The following CDKAL1 variants were observed in gnomAD, a reference collection of about 807,000 sequenced individuals.
The protein encoded by CDKAL1 is threonylcarbamoyladenosine tRNA methylthiotransferase.
Under a neutral mutation model 68.2 loss-of-function variants are expected in CDKAL1, and 32 were observed. That is an observed-to-expected ratio of 0.47 (90% CI 0.35 to 0.63). The LOEUF (loss-of-function observed/expected upper bound fraction) is 0.63. Among genes scored for constraint, CDKAL1 ranks in the 30% least tolerant of loss-of-function variants. CDKAL1 has a pLI of 0.00. For missense variants in CDKAL1, 606 were observed against 696.7 expected, an observed-to-expected ratio of 0.87 and a Z score of 1.47; for synonymous variants, 234 against 244.3, an observed-to-expected ratio of 0.96 and a Z score of 0.39.
chr6:21,195,023 C>G (rs1430873371), intron 13 of CDKAL1, among the ~76,000 whole-genome samples: 1 of 152,082 alleles, frequency 6.6e-6, no homozygotes, highest in East Asian at 1.9e-4. Context: ...CTTACTGCAG[C>G]CTCCAACTCC....
At chr6:21,099,053 T>G (rs1057040570) in intron 12 of CDKAL1, among the ~76,000 whole-genome samples, 1 of 152,140 alleles carries the variant, frequency 6.6e-6, no homozygotes, top group Non-Finnish European at 1.5e-5. Flanking sequence ...TGGCTTCACA[T>G]TCTCATCACC....
intron 13 of CDKAL1, among the ~76,000 whole-genome samples, chr6:21,182,340 CTTCA>C (rs1348726548): frequency 6.6e-6 from 1 of 152,168 alleles, no homozygotes. Flanking sequence ...AAAAGAGCTG[CTTCA>C]TTCATTTACA....
At position 20,724,996 on chromosome 6, in the gene CDKAL1, G is replaced by A. The variant is rs1161036578; in HGVS notation, c.372-14523G>A. Among the ~76,000 whole-genome samples the A allele has an allele frequency of 2.0e-5, 3 of 152,154 alleles. No individual in the cohort carries two copies. In the East Asian group the frequency reaches 5.8e-4, roughly 29 times the overall value. On this transcript the variant is annotated intron_variant, in intron 5 of 15. Coordinates refer to ENST00000274695, the MANE Select transcript of CDKAL1 (RefSeq NM_017774.3). Reference sequence around the variant, plus strand: ...TCATTCTTGGCGAATGTGATAATTAGGGTAAAGTGCAATGAGATTTGCAAA... The same window carrying A: ...TCATTCTTGGCGAATGTGATAATTAAGGTAAAGTGCAATGAGATTTGCAAA...
At chr6:20,550,181 G>T (rs1309967096) in intron 4 of CDKAL1, among the ~76,000 whole-genome samples, 1 of 150,702 alleles carries the variant, frequency 6.6e-6, no homozygotes, top group Non-Finnish European at 1.5e-5. Context: ...TTTCGCCATG[G>T]TAGCCAGGCT....
chr6:20,827,109 T>A (rs559966624), intron 8 of CDKAL1, among the ~76,000 whole-genome samples: 1 of 152,308 alleles, frequency 6.6e-6, no homozygotes, highest in South Asian at 2.1e-4. Flanking sequence ...ATCAAAATCG[T>A]CTTTATTTCC....
At chr6:20,613,806 T>C (rs1213941422) in intron 4 of CDKAL1, among the ~76,000 whole-genome samples, 1 of 152,074 alleles carries the variant, frequency 6.6e-6, no homozygotes, top group East Asian at 1.9e-4. Flanking sequence ...TATGCATAAA[T>C]ATATTTTTAG....
intron 4 of CDKAL1, among the ~76,000 whole-genome samples, chr6:20,617,219 A>T (rs1408621223): frequency 6.6e-6 from 1 of 151,956 alleles, no homozygotes; most frequent in African/African-American, 2.4e-5. Context: ...TTTAAGGGAG[A>T]TCTGCCTCTG....
At chr6:21,197,369 G>A (rs1315631116) in intron 13 of CDKAL1, among the ~76,000 whole-genome samples, 1 of 152,084 alleles carries the variant, frequency 6.6e-6, no homozygotes, top group Non-Finnish European at 1.5e-5. Context: ...TGTTTTTGCT[G>A]TCTTTCTCTT....
At chr6:21,005,104 T>C (rs1460639816) in intron 11 of CDKAL1, among the ~76,000 whole-genome samples, 2 of 152,244 alleles carry the variant, frequency 1.3e-5, no homozygotes, top group Non-Finnish European at 2.9e-5. Flanking sequence ...ATGATTCTTT[T>C]TTCTTTTTTC....
At chr6:21,011,660 A>G (rs1768028863) in intron 11 of CDKAL1, among the ~76,000 whole-genome samples, 1 of 152,202 alleles carries the variant, frequency 6.6e-6, no homozygotes, top group Non-Finnish European at 1.5e-5. Context: ...GTAAAACCCC[A>G]GTGTTAAATC....
At chr6:20,587,278 C>T (rs944010695) in intron 4 of CDKAL1, among the ~76,000 whole-genome samples, 7 of 152,142 alleles carry the variant, frequency 4.6e-5, no homozygotes, top group African/African-American at 1.2e-4. Flanking sequence ...TGAGCTACCA[C>T]GCCTGGCCTC....
chr6:20,955,562 C>T lies in CDKAL1; in HGVS notation c.886C>T (p.Pro296Ser). 2 of 1,614,044 alleles carry T rather than the reference C, an allele frequency of 1.2e-6. No individual in the cohort carries two copies. The highest frequency in any genetic ancestry group is 1.7e-6 in the Non-Finnish European group (2 of 1,179,978). Residue 296 changes from proline to serine, a missense_variant, in exon 10 of 16, where the codon CCC becomes TCC. Pro to Ser is a moderately conservative substitution (Grantham distance 74, BLOSUM62 -1). Coordinates refer to ENST00000274695, the MANE Select transcript of CDKAL1 (RefSeq NM_017774.3). ...AMLRLGMTNP[P>S]YILEHLEEMA... ...GCTGAGGCTTGGCATGACAAATCCGCCCTATATTTTAGAGCATCTGGAGGT... is the reference window on the plus strand; with the variant it reads ...GCTGAGGCTTGGCATGACAAATCCGTCCTATATTTTAGAGCATCTGGAGGT...
intron 12 of CDKAL1, among the ~76,000 whole-genome samples, chr6:21,075,446 G>C (rs537743681): frequency 2.0e-5 from 3 of 152,088 alleles, no homozygotes; most frequent in African/African-American, 7.2e-5. Flanking sequence ...TATTTGTATA[G>C]GGGGAGAGAT....
chr6:21,110,136 A>G (rs1774049935), intron 13 of CDKAL1, among the ~76,000 whole-genome samples: 1 of 152,182 alleles, frequency 6.6e-6, no homozygotes, highest in South Asian at 2.1e-4. Flanking sequence ...ATTATTGTAA[A>G]TAGCTAGACT....
chr6:20,983,094 C>T (rs539897966), intron 10 of CDKAL1, among the ~76,000 whole-genome samples: 2 of 152,284 alleles, frequency 1.3e-5, no homozygotes, highest in South Asian at 4.1e-4. Context: ...AATTAAAGAA[C>T]TGACATGTGA....
chr6:20,879,699 A>G (rs1216878912), intron 9 of CDKAL1, among the ~76,000 whole-genome samples: 2 of 152,008 alleles, frequency 1.3e-5, no homozygotes, highest in Middle Eastern at 3.2e-3. Context: ...CTCTCCTCTG[A>G]CTTTTCTGAC....
intron 5 of CDKAL1, among the ~76,000 whole-genome samples, chr6:20,692,143 T>TC (rs1453528512): frequency 1.3e-5 from 2 of 152,118 alleles, no homozygotes; most frequent in Non-Finnish European, 2.9e-5. Flanking sequence ...AGTGTTTTTC[T>TC]CCCCCCTCTG....
At position 20,583,792 on chromosome 6, in the gene CDKAL1, C is replaced by CT. The variant is rs1357079097; in HGVS notation, c.286+35087_286+35088insT. On this transcript the variant is annotated intron_variant, in intron 4 of 15. Transcript: ENST00000274695. ...CTTTTGTTAGTAAAAGCGCCCCCCC[C>CT]CACTAGTTTCAGTCTGCTCTTGCAG... Among the ~76,000 whole-genome samples, 3 of 150,644 alleles carry CT rather than the reference C, an allele frequency of 2.0e-5. No individual in the cohort carries two copies. The East Asian group carries it at 5.9e-4, about 30-fold the overall frequency.
chr6:21,020,191 G>A (rs774867959), intron 11 of CDKAL1, among the ~76,000 whole-genome samples: 2 of 152,170 alleles, frequency 1.3e-5, no homozygotes, highest in African/African-American at 2.4e-5. Context: ...AGAAGTCATA[G>A]TCTGGCTTCC....
Sources: allele counts gnomAD v4.1 joint callset (sites outside exome capture counted in the v4.1 genomes callset), GRCh38; gene constraint gnomAD v4.1.1; transcripts MANE v1.5; gene names NCBI Gene and HGNC (gene_info 2026-07-23, HGNC 2026-07-21).